The following CAPZA2 variants were observed in gnomAD, a reference collection of about 807,000 sequenced individuals.
CAPZA2 encodes the protein F-actin-capping protein subunit alpha-2.
A neutral mutation model predicts 44.0 loss-of-function variants in CAPZA2; 13 were observed. That is an observed-to-expected ratio of 0.30 (90% CI 0.19 to 0.47). CAPZA2 has a LOEUF of 0.47. Ranked by LOEUF, CAPZA2 falls within the 20% of genes least tolerant of loss-of-function variation. The pLI, the probability that CAPZA2 is intolerant of heterozygous loss-of-function variation, is 1.00. For synonymous variants in CAPZA2, 94 were observed against 108.2 expected (o/e 0.87, Z 0.81); for missense variants, 244 against 338.6 (o/e 0.72, Z 2.19).
At chr7:116,869,528 A>G (rs1796523120) in intron 1 of CAPZA2, among the ~76,000 whole-genome samples, 1 of 152,258 alleles carries the variant, frequency 6.6e-6, no homozygotes, top group Non-Finnish European at 1.5e-5. Flanking sequence ...CTCTGAAATC[A>G]GGCTGCATTG....
chr7:116,916,387 A>G (rs1318783611), intron 9 of CAPZA2, among the ~76,000 whole-genome samples: 1 of 152,232 alleles, frequency 6.6e-6, no homozygotes, highest in Admixed American at 6.5e-5. Context: ...AACACTGGGA[A>G]GCCGAGGCAG....
intron 1 of CAPZA2, among the ~76,000 whole-genome samples, chr7:116,873,115 T>C (rs1265183658): frequency 6.6e-6 from 1 of 152,320 alleles, no homozygotes; most frequent in South Asian, 2.1e-4. Context: ...GTGGAAATTA[T>C]AGGGGCTCTA....
intron 1 of CAPZA2, among the ~76,000 whole-genome samples, chr7:116,867,784 A>T (rs1353970982): frequency 2.0e-5 from 3 of 152,028 alleles, no homozygotes; most frequent in Admixed American, 2.0e-4. Flanking sequence ...GGGTTTCGCT[A>T]TGTTGCCCAG....
chr7:116,870,746 A>G (rs1418557021), intron 1 of CAPZA2, among the ~76,000 whole-genome samples: 1 of 152,214 alleles, frequency 6.6e-6, no homozygotes, highest in Non-Finnish European at 1.5e-5. Flanking sequence ...AGTTCGTCCC[A>G]CAAGAAATGG....
chr7:116,906,616 G>A (rs1452659773), intron 6 of CAPZA2: 2 of 333,888 alleles, frequency 6.0e-6, no homozygotes, highest in East Asian at 6.2e-5. Flanking sequence ...ACACCAGTTG[G>A]CAATCCATAT....
At chr7:116,876,498 TATG>T (rs1294003222) in intron 1 of CAPZA2, 10 of 152,364 alleles carry the variant, frequency 6.6e-5, no homozygotes, top group African/African-American at 1.7e-4. Flanking sequence ...ATAAAAATAA[TATG>T]ATCTGTGGAG....
chr7:116,862,606 A>G lies in CAPZA2; in HGVS notation c.-6A>G, dbSNP rs1373260367. ...GCCGCCGCCGCGGTTTGTCGCCAGA[A>G]GGAAGATGGCGGATCTGGAGGAGCA... On this transcript the variant is annotated 5_prime_UTR_variant, in exon 1 of 10. Coordinates refer to ENST00000361183, the MANE Select transcript of CAPZA2 (RefSeq NM_006136.3). 1.3e-6 allele frequency: 2 copies of G among 1,538,378 alleles called. No individual in the cohort carries two copies. The highest frequency in any genetic ancestry group is 2.6e-5 in the East Asian group (1 of 38,974).
intron 8 of CAPZA2, chr7:116,915,401 TGCCAG>T (rs1479906145): frequency 6.6e-6 from 1 of 152,176 alleles, no homozygotes; most frequent in African/African-American, 2.4e-5. Flanking sequence ...TTGACTAATA[TGCCAG>T]TTTGTGCTCG....
intron 1 of CAPZA2, chr7:116,885,940 G>A (rs912696106): frequency 6.5e-6 from 1 of 154,036 alleles, no homozygotes; most frequent in African/African-American, 2.4e-5. Context: ...CCCTGGAGTG[G>A]AGGTTAGGAG....
At position 116,918,655 on chromosome 7, in the gene CAPZA2, A is replaced by G. The variant is rs1188724301; in HGVS notation, c.*788A>G. 3.3e-5 allele frequency: 5 copies of G among 152,478 alleles called. No homozygotes were observed. The highest frequency in any genetic ancestry group is 9.7e-5 in the African/African-American group (4 of 41,430). 9.4% of individuals were successfully genotyped at this position (152,478 alleles called of 1,614,324 possible). A position where few individuals can be genotyped will look rare whatever the true frequency, so the allele number is the denominator to read the frequency against. ...TATATATAATCCTGAACTCATGACC[A>G]TGTCTCGGTTTATTTTTTTTTTCTT... On this transcript the variant is annotated 3_prime_UTR_variant, in exon 10 of 10. Coordinates refer to ENST00000361183, the MANE Select transcript of CAPZA2 (RefSeq NM_006136.3).
chr7:116,914,118 C>T (rs1274954046), intron 8 of CAPZA2, among the ~76,000 whole-genome samples: 1 of 150,982 alleles, frequency 6.6e-6, no homozygotes, highest in African/African-American at 2.4e-5. Context: ...AGCTCCGCCT[C>T]CTGGGTTCAC....
At chr7:116,909,746 CT>C (rs1791564406) in intron 6 of CAPZA2, 1 of 168,878 alleles carries the variant, frequency 5.9e-6, no homozygotes, top group African/African-American at 2.4e-5. Flanking sequence ...ATAAAAGCCC[CT>C]GTTAATCTAA....
chr7:116,891,413 T>A (rs1796844768), intron 2 of CAPZA2, among the ~76,000 whole-genome samples: 1 of 152,242 alleles, frequency 6.6e-6, no homozygotes, highest in Non-Finnish European at 1.5e-5. Flanking sequence ...CTCTATTTTT[T>A]AAAATAGTTT....
At chr7:116,890,296 G>T (rs1796814018) in intron 2 of CAPZA2, among the ~76,000 whole-genome samples, 3 of 151,582 alleles carry the variant, frequency 2.0e-5, no homozygotes, top group Admixed American at 2.0e-4. Flanking sequence ...TATTAAATAG[G>T]CCTGGGTAGA....
intron 1 of CAPZA2, among the ~76,000 whole-genome samples, chr7:116,871,940 G>T (rs534353907): frequency 6.6e-6 from 1 of 152,096 alleles, no homozygotes; most frequent in Non-Finnish European, 1.5e-5. Flanking sequence ...CAAAATGAAC[G>T]CACAGGCTCC....
At position 116,904,969 on chromosome 7, in the gene CAPZA2, T is replaced by TAAAAAAAAAAA. The variant is rs371485695; in HGVS notation, c.426+596_426+606dup. Among the ~76,000 whole-genome samples the TAAAAAAAAAAA allele has an allele frequency of 1.0e-3, 97 of 95,580 alleles. 1 individual carries two copies. The highest frequency in any genetic ancestry group is 3.7e-3 in the East Asian group (11 of 2,994). The allele number at this position is 95,580 out of a possible 152,430, so 62.7% of individuals were successfully genotyped here. The stretch of plus-strand genomic sequence containing the variant: ...AGCATGGTGAAACCCTGTCTCTACT[T>TAAAAAAAAAAA]AAAAAAAAAAAAAAAAAAAACAATT... On this transcript the variant is annotated intron_variant, in intron 5 of 9. Transcript: ENST00000361183.
At chr7:116,900,947 A>G (rs971484512) in intron 4 of CAPZA2, among the ~76,000 whole-genome samples, 7 of 152,328 alleles carry the variant, frequency 4.6e-5, no homozygotes, top group African/African-American at 1.7e-4. Context: ...AATGCAAATC[A>G]GAACCACAAT....
At chr7:116,882,583 TA>T (rs1227618321) in intron 1 of CAPZA2, among the ~76,000 whole-genome samples, 2 of 152,206 alleles carry the variant, frequency 1.3e-5, no homozygotes, top group African/African-American at 4.8e-5. Flanking sequence ...GGGCAGAAAT[TA>T]TTTTTTTTCT....
Position 116,904,174 on chromosome 7 carries a change from A to T in CAPZA2, c.220-3A>T, listed in dbSNP as rs1338546968. 2 of 1,579,228 alleles carry T rather than the reference A, an allele frequency of 1.3e-6. No homozygotes were observed. The highest frequency in any genetic ancestry group is 3.5e-5 in the Admixed American group (2 of 57,708). On this transcript the variant is annotated splice_region_variant and splice_polypyrimidine_tract_variant and intron_variant, in intron 4 of 9. Coordinates refer to ENST00000361183, the MANE Select transcript of CAPZA2 (RefSeq NM_006136.3). ...TTTTTCTAAATTCATTCCATCATCA[A>T]AGGTATTGATAACAGAACATGGCGA...
Sources: allele counts gnomAD v4.1 joint callset (sites outside exome capture counted in the v4.1 genomes callset), GRCh38; gene constraint gnomAD v4.1.1; transcripts MANE v1.5; gene names NCBI Gene and HGNC (gene_info 2026-07-23, HGNC 2026-07-21).